Variants in PRRC2B observed in about 807,000 individuals in gnomAD.
PRRC2B encodes proline rich coiled-coil 2B, also known as protein PRRC2B.
PRRC2B carries 68 observed loss-of-function variants against 242.3 expected under a neutral mutation model. The observed-to-expected ratio is 0.28, with a 90% CI of 0.23 to 0.34. The LOEUF (loss-of-function observed/expected upper bound fraction) is 0.34, where lower values mean the gene tolerates loss of function less well. Among genes scored for constraint, PRRC2B ranks in the 10% least tolerant of loss-of-function variants. The pLI is 1.00. For synonymous variants in PRRC2B, 1,228 were observed against 1,173.6 expected (o/e 1.05, Z -0.95); for missense variants, 2,835 against 2,954.8 (o/e 0.96, Z 0.94).
chr9:131,486,628 C>T, intron 26 of PRRC2B: 1 of 769,378 alleles, frequency 1.3e-6, no homozygotes, highest in Non-Finnish European at 1.6e-6. Context: ...TGGAAGTCTC[C>T]CCTCTAATGC....
chr9:131,377,296 G>GTACAGAC (rs1336928341), intron 1 of PRRC2B, among the ~76,000 whole-genome samples: 1 of 152,126 alleles, frequency 6.6e-6, no homozygotes, highest in African/African-American at 2.4e-5. Flanking sequence ...TGTATTTTTA[G>GTACAGAC]TACAGACGGG....
At chr9:131,396,484 C>G (rs769969717) in intron 1 of PRRC2B, among the ~76,000 whole-genome samples, 11 of 151,994 alleles carry the variant, frequency 7.2e-5, no homozygotes, top group Non-Finnish European at 1.6e-4. Flanking sequence ...TGCCACCACA[C>G]CTGGCCAATT....
intron 1 of PRRC2B, among the ~76,000 whole-genome samples, chr9:131,420,495 T>TTCTTTCTTTCTTTCTCTC (rs1373568254): frequency 1.3e-5 from 1 of 79,862 alleles, no homozygotes; most frequent in African/African-American, 5.2e-5. Context: ...CTTTCTTTCT[T>TTCTTTCTTTCTTTCTCTC]TTTTTTTTTT....
At chr9:131,468,857 G>T (rs1005013627) in intron 13 of PRRC2B, among the ~76,000 whole-genome samples, 1 of 152,124 alleles carries the variant, frequency 6.6e-6, no homozygotes, top group Non-Finnish European at 1.5e-5. Flanking sequence ...AGCCTTCCAG[G>T]GACCGCCTTT....
At chr9:131,431,688 G>A (rs1357247125) in intron 2 of PRRC2B, among the ~76,000 whole-genome samples, 4 of 151,500 alleles carry the variant, frequency 2.6e-5, no homozygotes, top group South Asian at 2.1e-4. Flanking sequence ...CTGGGTTCAC[G>A]CCATTCTTCC....
intron 19 of PRRC2B, among the ~76,000 whole-genome samples, chr9:131,479,878 C>T (rs1309635470): frequency 2.6e-5 from 4 of 152,076 alleles, no homozygotes; most frequent in African/African-American, 7.2e-5. Flanking sequence ...GACCAGAAGA[C>T]GGTATACGTT....
chr9:131,403,941 T>G (rs1283443805), intron 1 of PRRC2B, among the ~76,000 whole-genome samples: 1 of 151,634 alleles, frequency 6.6e-6, no homozygotes, highest in Non-Finnish European at 1.5e-5. Context: ...TCAGTAATAC[T>G]TTTTTTTTCT....
At chr9:131,388,745 T>C (rs530761504) in intron 1 of PRRC2B, among the ~76,000 whole-genome samples, 11 of 150,408 alleles carry the variant, frequency 7.3e-5, no homozygotes, top group Admixed American at 4.8e-4. Flanking sequence ...GGTTTCACCA[T>C]GTTGGCCAGG....
At chr9:131,404,674 C>G (rs1020761210) in intron 1 of PRRC2B, among the ~76,000 whole-genome samples, 1 of 152,176 alleles carries the variant, frequency 6.6e-6, no homozygotes, top group African/African-American at 2.4e-5. Context: ...TTGTATTCTT[C>G]AAGCATGCTG....
At chr9:131,485,178 C>T (rs763185533) in intron 25 of PRRC2B, 38 bp downstream of exon 25, 2 of 1,477,388 alleles carry the variant, frequency 1.4e-6, no homozygotes, top group South Asian at 2.5e-5. Flanking sequence ...GGGTCCTTCT[C>T]CATTTATTAT....
At chr9:131,453,868 T>C (rs1328060714) in intron 9 of PRRC2B, among the ~76,000 whole-genome samples, 1 of 152,250 alleles carries the variant, frequency 6.6e-6, no homozygotes, top group Non-Finnish European at 1.5e-5. Context: ...TATAATTATA[T>C]GATTGACATA....
At chr9:131,395,472 TTC>T (rs940302863) in intron 1 of PRRC2B, among the ~76,000 whole-genome samples, 20 of 152,300 alleles carry the variant, frequency 1.3e-4, no homozygotes, top group African/African-American at 4.8e-4. Flanking sequence ...TCCTGCTTCT[TTC>T]TTCCGTAAAC....
chr9:131,473,776 C>T lies in PRRC2B; in HGVS notation c.2324+52C>T, dbSNP rs1943609704. 3.4e-6 allele frequency: 5 copies of T among 1,449,564 alleles called. No individual in the cohort carries two copies. In the African/African-American group the frequency reaches 7.0e-5, roughly 20 times the overall value. The allele number at this position is 1,449,564 out of a possible 1,614,324, so 89.8% of individuals were successfully genotyped here. ...TTGCCACTGAAGGAGGACTCCAGGT[C>T]CTAATTGAGAGGGCCCTGGGATGAG... On this transcript the variant is annotated intron_variant, in intron 15 of 31. Transcript: ENST00000683519.
At chr9:131,387,806 A>G (rs1836844771) in intron 1 of PRRC2B, among the ~76,000 whole-genome samples, 1 of 150,494 alleles carries the variant, frequency 6.6e-6, no homozygotes, top group Non-Finnish European at 1.5e-5. Context: ...ACTTCATGTG[A>G]CCACAAAGAA....
In PRRC2B at chr9:131,446,989, T is replaced by C. The variant is rs190516773; in HGVS notation, c.856-96T>C. The stretch of plus-strand genomic sequence containing the variant: ...ACCCCATGACTTTCCTGTTTCTTTT[T>C]CCCATTTTCCACTTTATAAAACACA... On this transcript the variant is annotated intron_variant, in intron 7 of 31. Coordinates refer to ENST00000683519, the MANE Select transcript of PRRC2B (RefSeq NM_013318.4). This position sits in a 1 kb window ranked among gnomAD's most constrained non-coding sequence, Gnocchi z 4.1. 7.2e-4 allele frequency: 1,077 copies of C among 1,498,204 alleles called. 4 individuals carry two copies. In the African/African-American group the frequency reaches 0.014, roughly 19 times the overall value. The allele number at this position is 1,498,204 out of a possible 1,614,324, so 92.8% of individuals were successfully genotyped here. A position where few individuals can be genotyped will look rare whatever the true frequency, so the allele number is the denominator to read the frequency against.
intron 5 of PRRC2B, among the ~76,000 whole-genome samples, chr9:131,442,392 AG>A: frequency 6.6e-6 from 1 of 150,730 alleles, no homozygotes; most frequent in Non-Finnish European, 1.5e-5. Context: ...GATTCTTGCC[AG>A]TGACCTTCTA....
At chr9:131,473,449 T>G in intron 14 of PRRC2B, 59 bp from the exon 15 acceptor site, 324 of 1,349,968 alleles carry the variant, frequency 2.4e-4, no homozygotes, top group Non-Finnish European at 3.0e-4. Context: ...TGGTTGACCC[T>G]GAGATTGGAG....
At chr9:131,434,815 T>C (rs1838292502) in intron 3 of PRRC2B, among the ~76,000 whole-genome samples, 1 of 152,204 alleles carries the variant, frequency 6.6e-6, no homozygotes, top group Non-Finnish European at 1.5e-5. Context: ...AGCAGAAACC[T>C]TCATTCGGCC....
At chr9:131,419,956 A>G (rs1427666961) in intron 1 of PRRC2B, among the ~76,000 whole-genome samples, 2 of 151,872 alleles carry the variant, frequency 1.3e-5, no homozygotes, top group East Asian at 1.9e-4. Context: ...GCTCTGGTGG[A>G]GGGGACCCAG....
Sources: gnomAD v4.1 joint callset for allele counts (sites outside exome capture counted in the v4.1 genomes callset) on GRCh38, gnomAD v4.1.1 for gene constraint, Gnocchi (gnomAD v3.1) non-coding constraint, MANE v1.5 for transcripts, NCBI Gene and HGNC (gene_info 2026-07-23, HGNC 2026-07-21) for gene names.